The following UBE2E2 variants were observed in gnomAD, a reference collection of about 807,000 sequenced individuals.
UBE2E2 encodes the protein ubiquitin-conjugating enzyme E2 E2.
Under a neutral mutation model 24.7 loss-of-function variants are expected in UBE2E2, and 6 were observed. That is an observed-to-expected ratio of 0.24 (90% CI 0.13 to 0.48). UBE2E2 has a LOEUF of 0.48. UBE2E2 is among the 20% of genes least tolerant of loss of function. UBE2E2 has a pLI of 0.99. For synonymous variants in UBE2E2, 104 were observed against 83.6 expected (o/e 1.24, Z -1.33); for missense variants, 169 against 245.0 (o/e 0.69, Z 2.07).
intron 3 of UBE2E2, among the ~76,000 whole-genome samples, chr3:23,253,643 A>G (rs1179581800): frequency 6.6e-6 from 1 of 152,226 alleles, no homozygotes; most frequent in African/African-American, 2.4e-5. Flanking sequence ...AAATGATAAA[A>G]AATATGGACT....
intron 1 of UBE2E2, among the ~76,000 whole-genome samples, chr3:23,206,205 T>C (rs1696141908): frequency 6.6e-6 from 1 of 152,228 alleles, no homozygotes; most frequent in Admixed American, 6.5e-5. Flanking sequence ...GATTGTTCTC[T>C]TTTTCACTCT....
chr3:23,574,549 A>G (rs926282402), intron 5 of UBE2E2, among the ~76,000 whole-genome samples: 4 of 152,170 alleles, frequency 2.6e-5, no homozygotes, highest in African/African-American at 9.6e-5. Flanking sequence ...ATAAATTTTT[A>G]TAAAGAAAGC....
rs375315216 is a variant in UBE2E2, at chr3:23,487,411, G to A, written c.228-12197G>A. ...CCACCCTACCAACTCGGTAGGGTCC[G>A]GGGCTCCCACTGGGATCACCTGTTC... On this transcript the variant is annotated intron_variant, in intron 3 of 5. Transcript: ENST00000396703. Among the ~76,000 whole-genome samples, 137 of 152,234 alleles carry A rather than the reference G, an allele frequency of 9.0e-4. 5 individuals are homozygous for A. In the East Asian group the frequency reaches 0.015, roughly 17 times the overall value.
chr3:23,347,594 C>T (rs1054906413), intron 3 of UBE2E2, among the ~76,000 whole-genome samples: 1 of 152,086 alleles, frequency 6.6e-6, no homozygotes, highest in South Asian at 2.1e-4. Context: ...AGGAGAAATA[C>T]CTCATGTAAA....
At chr3:23,223,544 A>C (rs927804436) in intron 3 of UBE2E2, among the ~76,000 whole-genome samples, 3 of 151,988 alleles carry the variant, frequency 2.0e-5, no homozygotes, top group African/African-American at 4.8e-5. Context: ...AAGTTGTTTG[A>C]ACTCTTTACA....
At chr3:23,368,802 C>T (rs549584536) in intron 3 of UBE2E2, among the ~76,000 whole-genome samples, 1 of 152,166 alleles carries the variant, frequency 6.6e-6, no homozygotes, top group East Asian at 1.9e-4. Context: ...ATAAAATATA[C>T]TGTAATGTTT....
chr3:23,485,503 C>T (rs1699347610), intron 3 of UBE2E2, among the ~76,000 whole-genome samples: 1 of 152,032 alleles, frequency 6.6e-6, no homozygotes, highest in East Asian at 1.9e-4. Flanking sequence ...ACAGGTCTGA[C>T]ATTTAGCCTT....
intron 4 of UBE2E2, among the ~76,000 whole-genome samples, chr3:23,503,811 C>G (rs923595584): frequency 6.6e-6 from 1 of 152,004 alleles, no homozygotes; most frequent in Non-Finnish European, 1.5e-5. Flanking sequence ...TGAGATTGCA[C>G]CACTGCACTC....
intron 5 of UBE2E2, among the ~76,000 whole-genome samples, chr3:23,552,622 C>G (rs775220175): frequency 6.6e-6 from 1 of 152,090 alleles, no homozygotes; most frequent in Non-Finnish European, 1.5e-5. Flanking sequence ...TTCTGCATTC[C>G]CACTCTACAG....
chr3:23,399,673 G>A lies in UBE2E2; in HGVS notation c.228-99935G>A, dbSNP rs13093554. Among the ~76,000 whole-genome samples the A allele has an allele frequency of 7.9e-3, 1,209 of 152,232 alleles. 7 individuals are homozygous for A. The highest frequency in any genetic ancestry group is 0.012 in the Non-Finnish European group (850 of 68,016). ...CTCAGAAAGGGAAATTGTGGATAAG[G>A]GAAGGACTACTATAAAATGAAATTT... On this transcript the variant is annotated intron_variant, in intron 3 of 5. Transcript: ENST00000396703.
intron 5 of UBE2E2, among the ~76,000 whole-genome samples, chr3:23,588,725 T>C (rs1696688627): frequency 6.6e-6 from 1 of 152,090 alleles, no homozygotes; most frequent in South Asian, 2.1e-4. Flanking sequence ...TCCACCCCTT[T>C]CTCCACGTTG....
chr3:23,463,018 A>G (rs912296459), intron 3 of UBE2E2, among the ~76,000 whole-genome samples: 3 of 152,198 alleles, frequency 2.0e-5, no homozygotes, highest in Non-Finnish European at 4.4e-5. Context: ...TATTATGACA[A>G]TAGGTTCATA....
intron 2 of UBE2E2, 40 bp from the exon 3 acceptor site, chr3:23,217,222 A>T (rs1188330535): frequency 6.5e-7 from 1 of 1,532,044 alleles, no homozygotes; most frequent in Non-Finnish European, 9.0e-7. Flanking sequence ...TTAAGAGTGA[A>T]GATATTTTTA....
chr3:23,206,926 AT>A (rs1559438410), intron 1 of UBE2E2, among the ~76,000 whole-genome samples: 4 of 151,446 alleles, frequency 2.6e-5, no homozygotes, highest in African/African-American at 9.8e-5. Flanking sequence ...TTGTAATTTG[AT>A]TAAGAGTAAT....
intron 3 of UBE2E2, among the ~76,000 whole-genome samples, chr3:23,410,427 T>A (rs1697469036): frequency 6.6e-6 from 1 of 152,084 alleles, no homozygotes; most frequent in Non-Finnish European, 1.5e-5. Context: ...GTGTTGAGAG[T>A]AAAGATAGAG....
chr3:23,340,075 T>G (rs1426460253), intron 3 of UBE2E2, among the ~76,000 whole-genome samples: 1 of 152,118 alleles, frequency 6.6e-6, no homozygotes, highest in Non-Finnish European at 1.5e-5. Context: ...CTTAACTGTT[T>G]TGCCAGGACC....
At chr3:23,297,771 C>A (rs1346450283) in intron 3 of UBE2E2, among the ~76,000 whole-genome samples, 1 of 152,136 alleles carries the variant, frequency 6.6e-6, no homozygotes, top group African/African-American at 2.4e-5. Flanking sequence ...GTGATGGGGG[C>A]TCTTTTTTGG....
chr3:23,312,579 AGTT>A (rs944754466), intron 3 of UBE2E2, among the ~76,000 whole-genome samples: 1 of 151,020 alleles, frequency 6.6e-6, no homozygotes, highest in Non-Finnish European at 1.5e-5. Context: ...CCCTGAGTTC[AGTT>A]GTTTTGTTGA....
intron 3 of UBE2E2, among the ~76,000 whole-genome samples, chr3:23,485,158 G>A (rs1481489084): frequency 4.2e-5 from 6 of 141,342 alleles, no homozygotes; most frequent in Admixed American, 7.4e-5. Context: ...GCAGTGGCAC[G>A]ATCTTGGCTC....
Sources: allele counts gnomAD v4.1 joint callset (sites outside exome capture counted in the v4.1 genomes callset), GRCh38; gene constraint gnomAD v4.1.1; transcripts MANE v1.5; gene names NCBI Gene and HGNC (gene_info 2026-07-23, HGNC 2026-07-21).